The following ZNF536 variants were observed in gnomAD, a reference collection of about 807,000 sequenced individuals.
ZNF536 encodes the protein zinc finger protein 536.
A neutral mutation model predicts 84.5 loss-of-function variants in ZNF536; 13 were observed. The observed-to-expected ratio is 0.15, with a 90% CI of 0.10 to 0.24. ZNF536 has a LOEUF of 0.24. Ranked by LOEUF, ZNF536 falls within the 10% of genes least tolerant of loss-of-function variation. ZNF536 has a pLI of 1.00. For missense variants in ZNF536, 1,536 were observed against 1,747.5 expected (o/e 0.88, Z 2.16); for synonymous variants, 811 against 742.5 (o/e 1.09, Z -1.50).
intron 1 of ZNF536, among the ~76,000 whole-genome samples, chr19:30,586,885 A>G (rs1243681682): frequency 6.6e-6 from 1 of 152,232 alleles, no homozygotes; most frequent in Non-Finnish European, 1.5e-5. Context: ...ACTCATTTAA[A>G]AGTATATGAA....
At chr19:30,307,888 T>C (rs1346760605) in intron 2 of ZNF536, among the ~76,000 whole-genome samples, 1 of 152,244 alleles carries the variant, frequency 6.6e-6, no homozygotes, top group Non-Finnish European at 1.5e-5. Flanking sequence ...TCTTTGCAGA[T>C]GGGTTACACA....
At position 30,228,984 on chromosome 19, in the gene ZNF536, G is replaced by A. The variant is rs1177364008; in HGVS notation, c.-190+311G>A. On this transcript the variant is annotated intron_variant, in intron 1 of 5. Transcript: ENST00000585628. This position sits in a 1 kb window ranked among gnomAD's most constrained non-coding sequence, Gnocchi z 4.5. ...AGTTGGGCATCTTGCCTGGGTCGGG[G>A]GCGGGCAGTCGGTCCCAGTGGCCGC... Among the ~76,000 whole-genome samples, 1 of 151,956 alleles carries A rather than the reference G, an allele frequency of 6.6e-6. No individual in the cohort carries two copies. The highest frequency in any genetic ancestry group is 2.4e-5 in the African/African-American group (1 of 41,370).
In ZNF536 at chr19:30,548,975, C is replaced by G. The variant is rs2045667347; in HGVS notation, c.3356C>G (p.Pro1119Arg). ...TTCTACAAGCAGTTTGGTGTTTACC[C>G]AGGCATGGTTGGCTCAGGGGCCTCC... is the stretch of plus-strand genomic sequence containing the variant. ...SDFYKQFGVY[P>R]GMVGSGASSS... is the part of the protein sequence containing the mutation. Residue 1119 changes from proline (P) to arginine (R), a missense_variant, in exon 4 of 5, where the codon CCA becomes CGA. Transcript: ENST00000355537. The G allele has an allele frequency of 1.2e-6, 2 of 1,614,140 alleles. No individual in the cohort carries two copies. The highest frequency in any genetic ancestry group is 2.7e-5 in the African/African-American group (2 of 75,028).
intron 1 of ZNF536, among the ~76,000 whole-genome samples, chr19:30,426,389 G>A (rs774631309): frequency 6.6e-6 from 1 of 152,212 alleles, no homozygotes; most frequent in Non-Finnish European, 1.5e-5. Context: ...ATGAAGGAGT[G>A]CATGGAAACG....
At chr19:30,306,665 G>T (rs1164626423) in intron 2 of ZNF536, among the ~76,000 whole-genome samples, 1 of 152,210 alleles carries the variant, frequency 6.6e-6, no homozygotes, top group Non-Finnish European at 1.5e-5. Context: ...GGAAAATATA[G>T]TTCCAGTAAA....
intron 1 of ZNF536, among the ~76,000 whole-genome samples, chr19:30,264,444 C>CAT (rs1216140124): frequency 1.4e-5 from 2 of 141,190 alleles, no homozygotes; most frequent in African/African-American, 5.4e-5. Flanking sequence ...CGTGTGCACG[C>CAT]ATGTGTGTGT....
At chr19:30,590,789 T>C (rs2047250393) in intron 1 of ZNF536, among the ~76,000 whole-genome samples, 1 of 152,214 alleles carries the variant, frequency 6.6e-6, no homozygotes, top group Admixed American at 6.5e-5. Flanking sequence ...AGAGGATGCT[T>C]CCAGTTCTGG....
intron 2 of ZNF536, among the ~76,000 whole-genome samples, chr19:30,485,564 G>T: frequency 6.7e-6 from 1 of 150,218 alleles, no homozygotes. Context: ...TGAGCTTCTT[G>T]TTTCATTTCC....
intron 1 of ZNF536, among the ~76,000 whole-genome samples, chr19:30,388,259 C>T (rs1018993644): frequency 1.3e-5 from 2 of 152,146 alleles, no homozygotes; most frequent in Non-Finnish European, 1.5e-5. Flanking sequence ...GTCAAAGTAT[C>T]CGTATGGATT....
At chr19:30,482,785 T>C (rs935952995) in intron 2 of ZNF536, among the ~76,000 whole-genome samples, 18 of 152,182 alleles carry the variant, frequency 1.2e-4, no homozygotes, top group African/African-American at 1.9e-4. Context: ...TGAAATGTTC[T>C]ATCAGTCCCT....
intron 1 of ZNF536, among the ~76,000 whole-genome samples, chr19:30,597,900 T>A (rs1050716798): frequency 8.5e-5 from 13 of 152,200 alleles, no homozygotes; most frequent in Non-Finnish European, 1.8e-4. Context: ...ATACATTATT[T>A]TGACATTGTT....
chr19:30,480,771 C>T (rs1249075300), intron 2 of ZNF536, among the ~76,000 whole-genome samples: 2 of 152,162 alleles, frequency 1.3e-5, no homozygotes, highest in African/African-American at 2.4e-5. Context: ...CACAGTGGCT[C>T]ATGCCTGTAA....
At chr19:30,565,899 C>T (rs58274411) in intron 1 of ZNF536, among the ~76,000 whole-genome samples, 4,212 of 152,216 alleles carry the variant, frequency 0.028, 169 homozygotes, top group African/African-American at 0.079. Context: ...TGCCAAGCAC[C>T]GAACCTGATA....
chr19:30,357,456 G>A (rs1270535217), intron 3 of ZNF536, among the ~76,000 whole-genome samples: 3 of 152,140 alleles, frequency 2.0e-5, no homozygotes, highest in Admixed American at 2.0e-4. Context: ...ATGCTGATGA[G>A]TGTGAACTTT....
intron 3 of ZNF536, among the ~76,000 whole-genome samples, chr19:30,355,487 A>G: frequency 6.6e-6 from 1 of 152,150 alleles, no homozygotes; most frequent in Admixed American, 6.5e-5. Context: ...TCCTGGGCTC[A>G]TGCGATCCCC....
At chr19:30,573,845 T>A (rs2046636637) in intron 1 of ZNF536, among the ~76,000 whole-genome samples, 1 of 152,226 alleles carries the variant, frequency 6.6e-6, no homozygotes, top group Non-Finnish European at 1.5e-5. Context: ...CACTCCATGC[T>A]GACCGTGACC....
intron 1 of ZNF536, among the ~76,000 whole-genome samples, chr19:30,232,829 C>T (rs1466811098): frequency 4.6e-5 from 7 of 152,146 alleles, no homozygotes; most frequent in Admixed American, 2.0e-4. Flanking sequence ...TGTTTGGGAG[C>T]GTCCCCAGCT....
chr19:30,617,444 G>A lies in ZNF536; in HGVS notation c.169+67930G>A, dbSNP rs190286467. ...CGGCTCACTGCAAGCTCCACCTGCC[G>A]GGTTCACACCATTCTCCTGCCTCAG... is the stretch of plus-strand genomic sequence containing the variant. On this transcript the variant is annotated intron_variant, in intron 1 of 1. Coordinates refer to the ZNF536 transcript ENST00000592773. Among the ~76,000 whole-genome samples, 347 of 140,848 alleles carry A rather than the reference G, an allele frequency of 2.5e-3. 2 individuals are homozygous for A. Among genetic ancestry groups the A allele is most frequent in the Admixed American group, 0.022 (282 of 12,754 alleles). 92.4% of individuals were successfully genotyped at this position (140,848 alleles called of 152,430 possible). A position where few individuals can be genotyped will look rare whatever the true frequency, so the allele number is the denominator to read the frequency against.
At chr19:30,702,760 G>A (rs1417761275) in intron 1 of ZNF536, among the ~76,000 whole-genome samples, 1 of 152,122 alleles carries the variant, frequency 6.6e-6, no homozygotes, top group African/African-American at 2.4e-5. Flanking sequence ...CAGTAGCACT[G>A]TCTCTCTTTC....
Sources: gnomAD v4.1 joint callset for allele counts (sites outside exome capture counted in the v4.1 genomes callset) on GRCh38, gnomAD v4.1.1 for gene constraint, Gnocchi (gnomAD v3.1) non-coding constraint, MANE v1.5 for transcripts, NCBI Gene and HGNC (gene_info 2026-07-23, HGNC 2026-07-21) for gene names.